Variants in IPMK observed in about 807,000 individuals in gnomAD.
IPMK encodes the protein inositol 1,3,4,6-tetrakisphosphate 5-kinase.
A neutral mutation model predicts 45.8 loss-of-function variants in IPMK; 17 were observed. That is an observed-to-expected ratio of 0.37 (90% CI 0.25 to 0.56). The LOEUF (loss-of-function observed/expected upper bound fraction) is 0.56. Ranked by LOEUF, IPMK falls within the 20% of genes least tolerant of loss-of-function variation. IPMK has a pLI of 0.79. For synonymous variants in IPMK, 180 were observed against 184.3 expected, an observed-to-expected ratio of 0.98 and a Z score of 0.19; for missense variants, 399 against 498.0, an observed-to-expected ratio of 0.80 and a Z score of 1.89.
chr10:58,206,668 GT>G (rs1158798615), intron 4 of IPMK, among the ~76,000 whole-genome samples: 1 of 152,000 alleles, frequency 6.6e-6, no homozygotes, highest in Non-Finnish European at 1.5e-5. Flanking sequence ...GGAATAGGTG[GT>G]TTTTTTGTTA....
At chr10:58,231,333 C>T (rs1214178123) in intron 2 of IPMK, among the ~76,000 whole-genome samples, 2 of 152,130 alleles carry the variant, frequency 1.3e-5, no homozygotes, top group Non-Finnish European at 2.9e-5. Context: ...GAGAATGCCA[C>T]AAAGATACTC....
chr10:58,267,359 C>T, intron 1 of IPMK, 63 bp downstream of exon 1: 2 of 1,559,306 alleles, frequency 1.3e-6, no homozygotes, highest in Non-Finnish European at 1.8e-6. Flanking sequence ...TAGGCTGCCT[C>T]CGCTGACAGG....
intron 1 of IPMK, among the ~76,000 whole-genome samples, chr10:58,258,764 T>C (rs1031731343): frequency 6.6e-6 from 1 of 152,052 alleles, no homozygotes; most frequent in African/African-American, 2.4e-5. Context: ...AATGCTTGTA[T>C]GAGAAGAAAA....
chr10:58,264,734 T>C (rs1372188806), intron 1 of IPMK, among the ~76,000 whole-genome samples: 1 of 152,190 alleles, frequency 6.6e-6, no homozygotes, highest in Non-Finnish European at 1.5e-5. Flanking sequence ...GTTAAATAAA[T>C]TGTGATACAT....
Position 58,196,112 on chromosome 10 carries a change from A to G in IPMK, c.1215T>C (p.His405=), listed in dbSNP as rs750353387. 3.1e-6 allele frequency: 5 copies of G among 1,613,502 alleles called. No individual in the cohort carries two copies. Among genetic ancestry groups the G allele is most frequent in the Middle Eastern group, 1.7e-4 (1 of 6,054 alleles). The part of the protein sequence containing the change: ...IDEGYVYGLK[H]LISVLRSILD... Reference sequence around the variant, plus strand: ...AAATACTTCGAAGTACAGAAATTAAATGCTTTAGCCCATAAACATATCCCT... The same window carrying G: ...AAATACTTCGAAGTACAGAAATTAAGTGCTTTAGCCCATAAACATATCCCT... Residue 405 remains histidine, a synonymous_variant, in exon 6 of 6, where the codon CAT becomes CAC. Transcript: ENST00000373935.
intron 5 of IPMK, among the ~76,000 whole-genome samples, chr10:58,198,552 G>C (rs1352751253): frequency 6.6e-6 from 1 of 152,080 alleles, no homozygotes; most frequent in African/African-American, 2.4e-5. Flanking sequence ...CTCATGCTAT[G>C]GATGTTTGCT....
At chr10:58,196,847 C>G in intron 5 of IPMK, 149 bp from the exon 6 acceptor site, 1 of 634,284 alleles carries the variant, frequency 1.6e-6, no homozygotes, top group Non-Finnish European at 2.6e-6. Flanking sequence ...GAATTCTAGT[C>G]AGATATAGAA....
At chr10:58,257,485 ACT>A (rs1351409806) in intron 1 of IPMK, among the ~76,000 whole-genome samples, 1 of 151,674 alleles carries the variant, frequency 6.6e-6, no homozygotes, top group African/African-American at 2.4e-5. Context: ...ACGGAGCAAG[ACT>A]CTGTCTCAAA....
intron 1 of IPMK, among the ~76,000 whole-genome samples, chr10:58,247,407 A>G (rs1203779861): frequency 6.6e-6 from 1 of 151,442 alleles, no homozygotes; most frequent in African/African-American, 2.4e-5. Flanking sequence ...AACCAACCCA[A>G]ATGTCCAACA....
At chr10:58,232,380 A>G (rs1838538089) in intron 2 of IPMK, among the ~76,000 whole-genome samples, 2 of 152,226 alleles carry the variant, frequency 1.3e-5, no homozygotes, top group African/African-American at 4.8e-5. Context: ...CAGAACATAC[A>G]TTCTTCTCAG....
At chr10:58,234,076 G>C (rs938990975) in intron 2 of IPMK, among the ~76,000 whole-genome samples, 10 of 152,108 alleles carry the variant, frequency 6.6e-5, no homozygotes, top group African/African-American at 1.9e-4. Context: ...TTGCTACAAA[G>C]AGAATAAAAT....
rs73295098 is a variant in IPMK at position 58,238,776 on chromosome 10, A to G, written c.191-962T>C. On this transcript the variant is annotated intron_variant, in intron 1 of 5. Transcript: ENST00000373935. ...ACAAAAGGATCTAGAATTTTTAATA[A>G]TGGCAAAAATGCAGAATTCAGCCAA... Among the ~76,000 whole-genome samples the G allele has an allele frequency of 2.9e-3, 435 of 152,302 alleles. 1 individual carries two copies. Among genetic ancestry groups the G allele is most frequent in the Middle Eastern group, 0.01 (3 of 294 alleles).
intron 3 of IPMK, among the ~76,000 whole-genome samples, chr10:58,225,785 C>A (rs1480880323): frequency 1.3e-5 from 2 of 152,008 alleles, no homozygotes; most frequent in African/African-American, 4.8e-5. Flanking sequence ...TTCTCCTTTC[C>A]TTTATCTCAT....
At chr10:58,213,365 A>G (rs1343065563) in intron 4 of IPMK, among the ~76,000 whole-genome samples, 2 of 152,206 alleles carry the variant, frequency 1.3e-5, no homozygotes, top group Non-Finnish European at 2.9e-5. Flanking sequence ...TTAAAATGGA[A>G]CCAAGAGGAA....
At chr10:58,265,843 CTT>C (rs934409889) in intron 1 of IPMK, among the ~76,000 whole-genome samples, 1 of 152,126 alleles carries the variant, frequency 6.6e-6, no homozygotes, top group African/African-American at 2.4e-5. Context: ...TGGTTACACT[CTT>C]AAGTGACAAT....
intron 4 of IPMK, among the ~76,000 whole-genome samples, chr10:58,211,629 G>A (rs1000767039): frequency 6.6e-6 from 1 of 151,828 alleles, no homozygotes; most frequent in Admixed American, 6.6e-5. Context: ...GATTGCCCAG[G>A]ATCACTTGAG....
At chr10:58,266,813 C>A (rs1312542176) in intron 1 of IPMK, among the ~76,000 whole-genome samples, 1 of 152,098 alleles carries the variant, frequency 6.6e-6, no homozygotes, top group Non-Finnish European at 1.5e-5. Flanking sequence ...AATTTCCCAC[C>A]AGGAATCCGA....
At chr10:58,266,893 C>T (rs1197432102) in intron 1 of IPMK, among the ~76,000 whole-genome samples, 3 of 152,164 alleles carry the variant, frequency 2.0e-5, no homozygotes, top group African/African-American at 7.2e-5. Flanking sequence ...CCTCAAGGGA[C>T]AGGGAAAAAT....
At chr10:58,248,221 T>C (rs1039040464) in intron 1 of IPMK, among the ~76,000 whole-genome samples, 9 of 151,664 alleles carry the variant, frequency 5.9e-5, no homozygotes, top group South Asian at 4.1e-4. Context: ...ATAATAATAA[T>C]GAATTTAAAA....
Sources: gnomAD v4.1 joint callset for allele counts (sites outside exome capture counted in the v4.1 genomes callset) on GRCh38, gnomAD v4.1.1 for gene constraint, MANE v1.5 for transcripts, NCBI Gene and HGNC (gene_info 2026-07-23, HGNC 2026-07-21) for gene names.